KAZN: variants seen among roughly 807,000 people sequenced by gnomAD.
KAZN encodes the protein kazrin, periplakin interacting protein.
A neutral mutation model predicts 87.4 loss-of-function variants in KAZN; 40 were observed. That is an observed-to-expected ratio of 0.46 (90% CI 0.36 to 0.60). The LOEUF (loss-of-function observed/expected upper bound fraction) is 0.60. KAZN is among the 20% of genes least tolerant of loss of function. The pLI, the probability that KAZN is intolerant of heterozygous loss-of-function variation, is 0.00. For missense variants in KAZN, 898 were observed against 1,073.9 expected, an observed-to-expected ratio of 0.84 and a Z score of 2.29; for synonymous variants, 466 against 458.3, an observed-to-expected ratio of 1.02 and a Z score of -0.22.
intron 2 of KAZN, among the ~76,000 whole-genome samples, chr1:14,544,350 C>CTTTTTTTTTTTTTTTTTTTTTTTTTTTT (rs374148415): frequency 1.0e-5 from 1 of 98,120 alleles, no homozygotes; most frequent in Admixed American, 1.4e-4. Context: ...TTCTTTCTTT[C>CTTTTTTTTTTTTTTTTTTTTTTTTTTTT]TTTTTTTTTT....
At position 14,769,431 on chromosome 1, in the gene KAZN, T is replaced by C. The variant is rs1394884469; in HGVS notation, c.226+170208T>C. Among the ~76,000 whole-genome samples, 2 of 152,194 alleles carry C rather than the reference T, an allele frequency of 1.3e-5. No individual in the cohort carries two copies. Among genetic ancestry groups the C allele is most frequent in the Non-Finnish European group, 2.9e-5 (2 of 68,042 alleles). ...GTGCGACGGCGCTATCTTGGCTCACTGCAACCTCTGCCTCCCGGGTTCAAG... is the reference window on the plus strand; with the variant it reads ...GTGCGACGGCGCTATCTTGGCTCACCGCAACCTCTGCCTCCCGGGTTCAAG... On this transcript the variant is annotated intron_variant, in intron 1 of 14. Transcript: ENST00000376030. This position sits in a 1 kb window ranked among gnomAD's most constrained non-coding sequence, Gnocchi z 4.1.
intron 2 of KAZN, among the ~76,000 whole-genome samples, chr1:14,517,506 T>C (rs930807213): frequency 6.6e-6 from 1 of 152,176 alleles, no homozygotes; most frequent in African/African-American, 2.4e-5. Flanking sequence ...AACCAAAAGG[T>C]TAATGCAGAA....
chr1:14,319,635 C>T (rs867231347), intron 2 of KAZN, among the ~76,000 whole-genome samples: 1 of 152,150 alleles, frequency 6.6e-6, no homozygotes, highest in African/African-American at 2.4e-5. Context: ...ACTTGGGATC[C>T]TCCTCCCTTC....
intron 1 of KAZN, among the ~76,000 whole-genome samples, chr1:14,754,191 C>T (rs1436223643): frequency 6.6e-6 from 1 of 152,220 alleles, no homozygotes; most frequent in Non-Finnish European, 1.5e-5. Flanking sequence ...CTGCAGGGCC[C>T]ACCCTGGGCT....
intron 1 of KAZN, among the ~76,000 whole-genome samples, chr1:14,918,693 AAAAAAAAAAAAAAAATAT>A (rs1658115606): frequency 7.4e-5 from 1 of 13,558 alleles, no homozygotes; most frequent in African/African-American, 2.1e-4. Flanking sequence ...AAAAAAAAAA[AAAAAAAAAAAAAAAATAT>A]ATATATATAT....
chr1:14,973,252 A>C (rs539911679), intron 2 of KAZN, among the ~76,000 whole-genome samples: 2 of 152,164 alleles, frequency 1.3e-5, no homozygotes, highest in Non-Finnish European at 2.9e-5. Flanking sequence ...TTGAAGTCCT[A>C]CTGTTTGCCA....
intron 1 of KAZN, among the ~76,000 whole-genome samples, chr1:14,097,482 G>A (rs150406962): frequency 1.9e-4 from 29 of 152,256 alleles, no homozygotes; most frequent in African/African-American, 5.5e-4. Context: ...TATGGATGGC[G>A]GAAATGAGAG....
intron 8 of KAZN, among the ~76,000 whole-genome samples, chr1:15,080,239 A>G (rs1469453818): frequency 1.3e-5 from 2 of 152,234 alleles, no homozygotes; most frequent in Admixed American, 1.3e-4. Flanking sequence ...TGATTTTTTA[A>G]AAGTATAAAG....
rs967527279 is a variant in KAZN, at chr1:14,498,220, A to G, written c.250-100763A>G. On this transcript the variant is annotated intron_variant, in intron 2 of 16. Transcript: ENST00000636203. The stretch of plus-strand genomic sequence containing the variant: ...TGTTCTTTTATGCCTCTACTCCATC[A>G]TAAGCTCCTAGCTCAAAGGACTCGT... Among the ~76,000 whole-genome samples, 3 of 152,328 alleles carry G rather than the reference A, an allele frequency of 2.0e-5. No homozygotes were observed. The South Asian group carries it at 6.2e-4, about 32-fold the overall frequency.
chr1:14,920,940 G>A (rs1365879395), intron 1 of KAZN, among the ~76,000 whole-genome samples: 3 of 152,100 alleles, frequency 2.0e-5, no homozygotes, highest in Admixed American at 6.5e-5. Context: ...TGTACCTCAA[G>A]GTGTTTTTAA....
intron 1 of KAZN, among the ~76,000 whole-genome samples, chr1:14,688,932 G>A (rs1288242176): frequency 6.6e-6 from 1 of 152,152 alleles, no homozygotes. Flanking sequence ...GGTGGCTCAC[G>A]CCTGTAATCC....
At chr1:15,108,545 A>C (rs966200046) in intron 13 of KAZN, among the ~76,000 whole-genome samples, 1 of 152,244 alleles carries the variant, frequency 6.6e-6, no homozygotes, top group Non-Finnish European at 1.5e-5. Context: ...TGAGGAGCTG[A>C]CAGTGTGCCC....
chr1:14,440,430 A>G (rs1189864562), intron 2 of KAZN, among the ~76,000 whole-genome samples: 1 of 152,148 alleles, frequency 6.6e-6, no homozygotes, highest in Non-Finnish European at 1.5e-5. Flanking sequence ...TCTTCCGGGA[A>G]CTACCATATT....
At chr1:14,634,324 A>G (rs757678671) in intron 1 of KAZN, among the ~76,000 whole-genome samples, 12 of 152,212 alleles carry the variant, frequency 7.9e-5, no homozygotes, top group Non-Finnish European at 1.5e-4. Context: ...AAGCTGAAAG[A>G]TCACTGAGGA....
At chr1:14,396,551 A>G (rs1662918387) in intron 2 of KAZN, among the ~76,000 whole-genome samples, 1 of 152,236 alleles carries the variant, frequency 6.6e-6, no homozygotes, top group African/African-American at 2.4e-5. Flanking sequence ...TTTCCAAACT[A>G]TTTTGACAGA....
At chr1:14,620,101 C>T (rs1678576167) in intron 1 of KAZN, among the ~76,000 whole-genome samples, 1 of 152,168 alleles carries the variant, frequency 6.6e-6, no homozygotes, top group African/African-American at 2.4e-5. Context: ...AGTACAGTTA[C>T]CCATCTGTAC....
rs138591495 is a variant in KAZN, at chr1:14,244,786, C to G, written c.249+64194C>G. 8.0e-3 allele frequency among the ~76,000 whole-genome samples: 1,213 copies of G among 151,936 alleles called. 16 individuals carry two copies. The highest frequency in any genetic ancestry group is 0.028 in the African/African-American group (1,161 of 41,424). On this transcript the variant is annotated intron_variant, in intron 2 of 16. Coordinates refer to the KAZN transcript ENST00000636203. Reference sequence around the variant, plus strand: ...GAACAGGAAAGCTAGAGTAGTTGGTCAGGGTGAGCAGGTGGGTAGGGGGTG... The same window carrying G: ...GAACAGGAAAGCTAGAGTAGTTGGTGAGGGTGAGCAGGTGGGTAGGGGGTG...
intron 2 of KAZN, among the ~76,000 whole-genome samples, chr1:14,191,450 G>A (rs1646418073): frequency 6.6e-6 from 1 of 152,110 alleles, no homozygotes; most frequent in South Asian, 2.1e-4. Flanking sequence ...AGGCTTGAAT[G>A]GGGAAGTAAG....
intron 2 of KAZN, among the ~76,000 whole-genome samples, chr1:14,374,832 A>G (rs1242075730): frequency 1.3e-5 from 2 of 152,236 alleles, no homozygotes; most frequent in African/African-American, 2.4e-5. Context: ...AAACAGGCAG[A>G]CATAGCCTGA....
Sources: allele counts gnomAD v4.1 joint callset (sites outside exome capture counted in the v4.1 genomes callset), GRCh38; gene constraint gnomAD v4.1.1; non-coding constraint Gnocchi (gnomAD v3.1); transcripts MANE v1.5; gene names NCBI Gene and HGNC (gene_info 2026-07-23, HGNC 2026-07-21).